The following TMCC3 variants were observed in gnomAD, a reference collection of about 807,000 sequenced individuals.
The protein encoded by TMCC3 is transmembrane and coiled-coil domain protein 3.
Under a neutral mutation model 40.2 loss-of-function variants are expected in TMCC3, and 28 were observed. The observed-to-expected ratio is 0.70, with a 90% CI of 0.52 to 0.95. TMCC3 has a LOEUF of 0.95. Among genes scored for constraint, TMCC3 ranks in the 40% least tolerant of loss-of-function variants. The pLI, the probability that TMCC3 is intolerant of heterozygous loss-of-function variation, is 0.00. For synonymous variants in TMCC3, 255 were observed against 248.5 expected, an observed-to-expected ratio of 1.03 and a Z score of -0.25; for missense variants, 554 against 615.2, an observed-to-expected ratio of 0.90 and a Z score of 1.05.
intron 1 of TMCC3, among the ~76,000 whole-genome samples, chr12:94,623,276 TAAGGG>T (rs1022882934): frequency 6.6e-6 from 1 of 151,754 alleles, no homozygotes; most frequent in African/African-American, 2.4e-5. Flanking sequence ...CAGAGCTACT[TAAGGG>T]AAGAGAATTA....
chr12:94,588,825 ATTTTT>A (rs77963963), intron 1 of TMCC3, among the ~76,000 whole-genome samples: 2 of 141,690 alleles, frequency 1.4e-5, no homozygotes, highest in African/African-American at 2.6e-5. Flanking sequence ...TCGGTATGAG[ATTTTT>A]TTTTTTTTTT....
rs141022844 is a variant in TMCC3 at position 94,582,493 on chromosome 12, G to C, written c.124C>G (p.Arg42Gly). 4.2e-5 allele frequency: 67 copies of C among 1,613,504 alleles called. No homozygotes were observed. Among genetic ancestry groups the C allele is most frequent in the Non-Finnish European group, 5.4e-5 (64 of 1,179,958 alleles). ...MNTLSLPLNI[R>G]RGGSDTNLNF... is the part of the protein sequence containing the mutation. ...AGGTTGGTGTCTGACCCCCCTCGGC[G>C]TATGTTCAGGGGCAGGCTTAAGGTA... Residue 42 changes from arginine (R) to glycine (G), a missense_variant, in exon 2 of 4, where the codon CGC (arginine) becomes GGC (glycine). By Grantham distance (125) the Arg-to-Gly change is moderately radical (BLOSUM62 -2). Coordinates refer to ENST00000261226, the MANE Select transcript of TMCC3 (RefSeq NM_020698.4).
intron 1 of TMCC3, among the ~76,000 whole-genome samples, chr12:94,593,393 A>AGAG (rs1566320574): frequency 1.1e-4 from 3 of 28,456 alleles, no homozygotes; most frequent in African/African-American, 3.9e-4. Context: ...GAAAGAAGAA[A>AGAG]GAAGAAAGAA....
chr12:94,601,898 AC>A, intron 1 of TMCC3, among the ~76,000 whole-genome samples: 1 of 152,112 alleles, frequency 6.6e-6, no homozygotes, highest in South Asian at 2.1e-4. Flanking sequence ...GGTTACAAAC[AC>A]AAACAAAGAA....
At chr12:94,605,741 A>G (rs933689311) in intron 1 of TMCC3, among the ~76,000 whole-genome samples, 7 of 152,236 alleles carry the variant, frequency 4.6e-5, no homozygotes, top group African/African-American at 1.7e-4. Flanking sequence ...GTTTTCACCT[A>G]CGATGAACAA....
chr12:94,603,131 C>T (rs889822259), intron 1 of TMCC3, among the ~76,000 whole-genome samples: 5 of 152,188 alleles, frequency 3.3e-5, no homozygotes, highest in Admixed American at 3.3e-4. Flanking sequence ...GTCACCCAGG[C>T]TGGAGTGCAG....
chr12:94,588,662 C>G (rs2138833819), intron 1 of TMCC3, among the ~76,000 whole-genome samples: 1 of 152,236 alleles, frequency 6.6e-6, no homozygotes, highest in African/African-American at 2.4e-5. Context: ...TCTTCGTGGC[C>G]TTGGTATGTA....
intron 1 of TMCC3, among the ~76,000 whole-genome samples, chr12:94,608,465 A>C (rs1021193188): frequency 1.3e-5 from 2 of 151,982 alleles, no homozygotes; most frequent in Non-Finnish European, 2.9e-5. Context: ...CTCTAACATC[A>C]GACCTTTTTG....
chr12:94,598,189 T>G (rs1365190861), intron 1 of TMCC3, among the ~76,000 whole-genome samples: 1 of 152,240 alleles, frequency 6.6e-6, no homozygotes, highest in Non-Finnish European at 1.5e-5. Context: ...AGTGACTTAC[T>G]AGGACTCAAA....
At chr12:94,580,776 C>T (rs1025619375) in intron 2 of TMCC3, among the ~76,000 whole-genome samples, 1 of 152,122 alleles carries the variant, frequency 6.6e-6, no homozygotes, top group African/African-American at 2.4e-5. Flanking sequence ...TACATAAGGA[C>T]TTCAAGATTG....
At chr12:94,636,947 G>C (rs2651978) in intron 1 of TMCC3, among the ~76,000 whole-genome samples, 84,729 of 152,034 alleles carry the variant, frequency 0.56, 23,820 homozygotes, top group African/African-American at 0.6. Flanking sequence ...TTAAGCTGCA[G>C]CTGGACTCCA....
At chr12:94,621,717 T>C (rs760086581) in intron 1 of TMCC3, among the ~76,000 whole-genome samples, 3 of 152,238 alleles carry the variant, frequency 2.0e-5, no homozygotes, top group African/African-American at 4.8e-5. Flanking sequence ...TGATTAATGA[T>C]AGCTGGGAGC....
At position 94,604,803 on chromosome 12, in the gene TMCC3, CA is replaced by C. The variant is rs11400128; in HGVS notation, c.79-22266del. On this transcript the variant is annotated intron_variant, in intron 1 of 3. Transcript: ENST00000261226. Reference sequence around the variant, plus strand: ...TAAGTGACAGAGTGAGACTTCATCTCAAAAAAAAAAAAAAAAAAAAAGAAGT... The same window carrying C: ...TAAGTGACAGAGTGAGACTTCATCTCAAAAAAAAAAAAAAAAAAAAGAAGT... Among the ~76,000 whole-genome samples the C allele has an allele frequency of 6.8e-3, 362 of 53,290 alleles. 2 individuals are homozygous for C. Among genetic ancestry groups the C allele is most frequent in the African/African-American group, 0.027 (331 of 12,292 alleles). 35.0% of individuals were successfully genotyped at this position (53,290 alleles called of 152,430 possible).
intron 1 of TMCC3, among the ~76,000 whole-genome samples, chr12:94,616,604 C>A (rs2068849446): frequency 6.6e-6 from 1 of 151,912 alleles, no homozygotes. Flanking sequence ...GGGAGAGACA[C>A]AATGACAGCC....
intron 1 of TMCC3, among the ~76,000 whole-genome samples, chr12:94,604,127 T>G (rs11836783): frequency 0.062 from 9,439 of 152,306 alleles, 617 homozygotes; most frequent in African/African-American, 0.16. Flanking sequence ...ACATCAGATT[T>G]AGACATAAAA....
intron 1 of TMCC3, among the ~76,000 whole-genome samples, chr12:94,624,029 A>C (rs2068889885): frequency 6.6e-6 from 1 of 152,266 alleles, no homozygotes; most frequent in Non-Finnish European, 1.5e-5. Context: ...CAAAGATTAT[A>C]ACAACTGCTT....
intron 1 of TMCC3, among the ~76,000 whole-genome samples, chr12:94,639,319 C>A (rs933773661): frequency 2.6e-5 from 4 of 152,146 alleles, no homozygotes; most frequent in African/African-American, 9.7e-5. Context: ...TGGTGGCTCA[C>A]TCCTATAATC....
chr12:94,581,284 G>A (rs1039936166), intron 2 of TMCC3, among the ~76,000 whole-genome samples: 29 of 152,144 alleles, frequency 1.9e-4, no homozygotes, highest in African/African-American at 7.0e-4. Flanking sequence ...TTTTCCAGTT[G>A]TGGCATTGTG....
intron 1 of TMCC3, among the ~76,000 whole-genome samples, chr12:94,592,915 G>A (rs1290491219): frequency 6.6e-6 from 1 of 151,788 alleles, no homozygotes; most frequent in Non-Finnish European, 1.5e-5. Flanking sequence ...AATTATCTTC[G>A]GCCAGGCGCG....
Sources: gnomAD v4.1 joint callset for allele counts (sites outside exome capture counted in the v4.1 genomes callset) on GRCh38, gnomAD v4.1.1 for gene constraint, MANE v1.5 for transcripts, NCBI Gene and HGNC (gene_info 2026-07-23, HGNC 2026-07-21) for gene names.